The following STMN1 variants were observed in gnomAD, a reference collection of about 807,000 sequenced individuals.
STMN1 encodes stathmin.
A neutral mutation model predicts 19.7 loss-of-function variants in STMN1; 3 were observed. The ratio of observed to expected loss-of-function variants is 0.15; its 90% confidence interval spans 0.07 to 0.39. The LOEUF (loss-of-function observed/expected upper bound fraction) is 0.39, where lower values mean the gene tolerates loss of function less well. Among genes scored for constraint, STMN1 ranks in the 10% least tolerant of loss-of-function variants. The probability of loss-of-function intolerance (pLI) is 1.00; values close to 1 mark genes in which losing one functional copy is unlikely to be tolerated. For missense variants in STMN1, 99 were observed against 176.0 expected, an observed-to-expected ratio of 0.56 and a Z score of 2.48; for synonymous variants, 59 against 58.9, an observed-to-expected ratio of 1.00 and a Z score of -0.01.
chr1:25,901,117 CAAAAA>C lies in STMN1; in HGVS notation c.379-35_379-31del, dbSNP rs58316569. 8.6e-3 allele frequency: 10,151 copies of C among 1,184,008 alleles called. 1 individual carries two copies. Among genetic ancestry groups the C allele is most frequent in the Admixed American group, 0.017 (325 of 19,690 alleles). 73.3% of individuals were successfully genotyped at this position (1,184,008 alleles called of 1,614,324 possible). A position where few individuals can be genotyped will look rare whatever the true frequency, so the allele number is the denominator to read the frequency against. On this transcript the variant is annotated intron_variant, in intron 4 of 4. Transcript: ENST00000455785. ...AAAGGAAGGGTAAGGTGTCATCAGTCAAAAAAAAAAAAAAAAAAAAAAGCCTGTCA... is the reference window on the plus strand; with the variant it reads ...AAAGGAAGGGTAAGGTGTCATCAGTCAAAAAAAAAAAAAAAAAGCCTGTCA...
downstream of STMN1, among the ~76,000 whole-genome samples, chr1:25,899,402 C>T (rs1013417569): frequency 1.9e-4 from 29 of 152,348 alleles, no homozygotes; most frequent in African/African-American, 6.5e-4. Context: ...CCACTGCACA[C>T]AAGCCTCATC....
In STMN1 at chr1:25,894,114, G is replaced by T. The variant is rs531202780; in HGVS notation, c.378+7377C>A. On this transcript the variant is annotated intron_variant, in intron 4 of 4. Transcript: ENST00000426559. ...GTATTTGTATTGAATGGGTAACATGGTAAATTAGGAAGTGGTGCCTGTTCC... is the reference window on the plus strand; with the variant it reads ...GTATTTGTATTGAATGGGTAACATGTTAAATTAGGAAGTGGTGCCTGTTCC... Among the ~76,000 whole-genome samples the T allele has an allele frequency of 3.9e-5, 6 of 152,316 alleles. No individual in the cohort carries two copies. In the South Asian group the frequency reaches 1.2e-3, roughly 32 times the overall value.
At chr1:25,896,033 G>A (rs1023188123), downstream of STMN1, among the ~76,000 whole-genome samples, 4 of 152,206 alleles carry the variant, frequency 2.6e-5, no homozygotes, top group African/African-American at 9.7e-5. Flanking sequence ...GACAGGAGGA[G>A]TCCCTGTTTT....
chr1:25,893,304 C>T (rs556249994), intron 4 of STMN1, among the ~76,000 whole-genome samples: 2 of 152,156 alleles, frequency 1.3e-5, no homozygotes, highest in South Asian at 2.1e-4. Context: ...CAGCAATCCC[C>T]GAGCTATACT....
In STMN1 at chr1:25,901,095, G is replaced by A. The variant is rs1557483391; in HGVS notation, c.379-8C>T. 3 of 1,549,810 alleles carry A rather than the reference G, an allele frequency of 1.9e-6. No homozygotes were observed. The highest frequency in any genetic ancestry group is 2.6e-6 in the Non-Finnish European group (3 of 1,137,072). Reference sequence around the variant, plus strand: ...TTCTTCAATGTGCTTATCCTGTAAAGGAAGGGTAAGGTGTCATCAGTCAAA... The same window carrying A: ...TTCTTCAATGTGCTTATCCTGTAAAAGAAGGGTAAGGTGTCATCAGTCAAA... On this transcript the variant is annotated splice_region_variant and splice_polypyrimidine_tract_variant and intron_variant, in intron 4 of 4. Transcript: ENST00000455785.
At position 25,904,733 on chromosome 1, in the gene STMN1, A is replaced by G. The variant is rs1317657727; in HGVS notation, c.-57T>C. ...TTCTGCACAATCAACTGGGATAAGG[A>G]AAGTCCTGAAAATGATTTTCAAAAA... On this transcript the variant is annotated 5_prime_UTR_variant, in exon 2 of 5. Transcript: ENST00000455785. The G allele has an allele frequency of 1.1e-5, 18 of 1,596,364 alleles. No individual in the cohort carries two copies. The highest frequency in any genetic ancestry group is 1.5e-5 in the Non-Finnish European group (18 of 1,174,420).
chr1:25,901,139 A>T, intron 4 of STMN1, 52 bp from the exon 5 acceptor site: 1 of 1,514,184 alleles, frequency 6.6e-7, no homozygotes, highest in Non-Finnish European at 8.9e-7. Context: ...AAAAAAAAAA[A>T]GCCTGTCAAG....
At chr1:25,903,538 TCA>T in intron 3 of STMN1, 101 bp downstream of exon 3, 2 of 1,468,398 alleles carry the variant, frequency 1.4e-6, no homozygotes, top group Non-Finnish European at 1.9e-6. Context: ...TATGTAATAA[TCA>T]CAGTGTAGCT....
upstream of STMN1, chr1:25,906,480 G>C (rs1204019980): frequency 4.5e-5 from 7 of 153,954 alleles, 1 homozygote; most frequent in Admixed American, 4.6e-4. This position sits in a 1 kb window ranked among gnomAD's most constrained non-coding sequence, Gnocchi z 4.5. Flanking sequence ...ACCTCCGCGC[G>C]GGGCTCCGCA....
In STMN1 at chr1:25,903,758, A is replaced by T; in HGVS notation, c.69T>A (p.Ile23=). 6.2e-7 allele frequency: 1 copy of T among 1,614,028 alleles called. No individual in the cohort carries two copies. The highest frequency in any genetic ancestry group is 8.5e-7 in the Non-Finnish European group (1 of 1,180,038). Residue 23 remains isoleucine, a synonymous_variant, in exon 3 of 5, where the codon ATT becomes ATA. Coordinates refer to ENST00000455785, the MANE Select transcript of STMN1 (RefSeq NM_005563.4). ...KRASGQAFEL[I]LSPRSKESVP... ...CAGATTCTTTTGACCGAGGGCTGAG[A>T]ATCAGCTCAAAAGCCTGGCCTGAGG...
At chr1:25,890,923 C>T (rs1417873697) in intron 4 of STMN1, among the ~76,000 whole-genome samples, 1 of 152,220 alleles carries the variant, frequency 6.6e-6, no homozygotes, top group African/African-American at 2.4e-5. Context: ...AAGCAGCCTG[C>T]TGGCTCTGCC....
intron 2 of STMN1, 49 bp downstream of exon 2, chr1:25,904,615 A>G (rs1485665936): frequency 6.4e-7 from 1 of 1,564,636 alleles, no homozygotes; most frequent in Non-Finnish European, 8.8e-7. Flanking sequence ...ATCTCAATCT[A>G]AAATCATAAG....
In STMN1 at chr1:25,903,649, T is replaced by G; in HGVS notation, c.178A>C (p.Arg60=). Residue 60 remains arginine, a synonymous_variant, in exon 3 of 5, where the codon AGA becomes CGA. Coordinates refer to ENST00000455785, the MANE Select transcript of STMN1 (RefSeq NM_005563.4). The stretch of plus-strand genomic sequence containing the variant: ...TGAATTGCTTCGTTTACCTTGCGTC[T>G]TTCTTCTGCAGCTTCTAATTTCTTC... The part of the protein sequence containing the change: ...IQKKLEAAEE[R]RKSHEAEVLK... 1 of 1,612,406 alleles carries G rather than the reference T, an allele frequency of 6.2e-7. No homozygotes were observed. Among genetic ancestry groups the G allele is most frequent in the Non-Finnish European group, 8.5e-7 (1 of 1,179,878 alleles).
intron 3 of STMN1, 22 bp from the exon 4 acceptor site, chr1:25,901,704 G>A (rs1372940586): frequency 1.9e-6 from 3 of 1,593,318 alleles, no homozygotes; most frequent in Non-Finnish European, 2.6e-6. Flanking sequence ...AGTTTAATAG[G>A]CTAGGCACTC....
chr1:25,891,331 TAAAAAAA>T (rs34481251), intron 4 of STMN1, among the ~76,000 whole-genome samples: 1 of 144,842 alleles, frequency 6.9e-6, no homozygotes, highest in Admixed American at 6.8e-5. Flanking sequence ...AACTCCATCT[TAAAAAAA>T]AAAAAAAAAT....
chr1:25,901,368 T>G (rs1456575325), intron 4 of STMN1, 123 bp downstream of exon 4: 1 of 1,272,526 alleles, frequency 7.9e-7, no homozygotes, highest in African/African-American at 1.5e-5. Context: ...TCATTTAATA[T>G]GTTAAGCCCC....
At chr1:25,892,588 C>T in intron 4 of STMN1, 1 of 985,346 alleles carries the variant, frequency 1.0e-6, no homozygotes, top group Non-Finnish European at 1.2e-6. Context: ...GGTCCCCTCC[C>T]AGCTGGAGCT....
downstream of STMN1, among the ~76,000 whole-genome samples, chr1:25,895,193 C>T (rs1463915467): frequency 9.3e-5 from 14 of 151,296 alleles, no homozygotes; most frequent in Non-Finnish European, 1.8e-4. Flanking sequence ...ACCTCTACCT[C>T]CCGGGTTCAT....
intron 4 of STMN1, among the ~76,000 whole-genome samples, chr1:25,890,804 T>C (rs1267401719): frequency 1.3e-5 from 2 of 152,010 alleles, no homozygotes; most frequent in Non-Finnish European, 2.9e-5. Context: ...TCAGAGACCA[T>C]TTGGAAAAAA....
Sources: gnomAD v4.1 joint callset for allele counts (sites outside exome capture counted in the v4.1 genomes callset) on GRCh38, gnomAD v4.1.1 for gene constraint, Gnocchi (gnomAD v3.1) non-coding constraint, MANE v1.5 for transcripts, NCBI Gene and HGNC (gene_info 2026-07-23, HGNC 2026-07-21) for gene names.